CCDC60: variants seen among roughly 807,000 people sequenced by gnomAD.
CCDC60 encodes the protein coiled-coil domain containing 60.
Under a neutral mutation model 63.5 loss-of-function variants are expected in CCDC60, and 54 were observed. The observed-to-expected ratio is 0.85, with a 90% confidence interval of 0.68 to 1.07. The LOEUF (loss-of-function observed/expected upper bound fraction) is 1.07. Among genes scored for constraint, CCDC60 ranks in the 50% least tolerant of loss-of-function variants. CCDC60 has a pLI of 0.00. For synonymous variants in CCDC60, 206 were observed against 238.8 expected (o/e 0.86, Z 1.27); for missense variants, 651 against 684.3 (o/e 0.95, Z 0.54).
chr12:119,342,912 C>T (rs548171700), intron 1 of CCDC60, among the ~76,000 whole-genome samples: 10 of 152,312 alleles, frequency 6.6e-5, no homozygotes, highest in Admixed American at 2.6e-4. Flanking sequence ...TAAGCCTTTG[C>T]ACAACTGTGG....
At chr12:119,386,561 G>A (rs1206978756) in intron 1 of CCDC60, among the ~76,000 whole-genome samples, 1 of 151,848 alleles carries the variant, frequency 6.6e-6, no homozygotes, top group Admixed American at 6.6e-5. Context: ...CCATGGTGCG[G>A]TCGCACCAAA....
chr12:119,346,796 CTTT>C (rs1955599374), intron 1 of CCDC60, among the ~76,000 whole-genome samples: 3 of 124,936 alleles, frequency 2.4e-5, no homozygotes, highest in Non-Finnish European at 5.5e-5. Flanking sequence ...TTCTTTCTTT[CTTT>C]CTTTCTTTCT....
rs770947406 is a variant in CCDC60 at position 119,530,991 on chromosome 12, T to A, written c.1479T>A (p.His493Gln). ...GENLDLRIRP[H>Q]VLLKVLQDLR... ...ACCTGGACTTGCGGATTCGACCCCA[T>A]GTCCTCCTGAAGGTGCTGCAGGATC... is the stretch of plus-strand genomic sequence containing the variant. The change falls in exon 13 of 14, where the codon CAT becomes CAA. Residue 493 changes from histidine (H) to glutamine (Q), a missense_variant. Physicochemically the swap from His to Gln is conservative, Grantham distance 24. Transcript: ENST00000327554. 1 of 1,614,152 alleles carries A rather than the reference T, an allele frequency of 6.2e-7. No homozygotes were observed. The highest frequency in any genetic ancestry group is 1.7e-5 in the Admixed American group (1 of 60,024).
rs781059079 is a variant in CCDC60 at position 119,471,984 on chromosome 12, A to C, written c.171-10A>C. 6.2e-7 allele frequency: 1 copy of C among 1,605,856 alleles called. No individual in the cohort carries two copies. The highest frequency in any genetic ancestry group is 8.5e-7 in the Non-Finnish European group (1 of 1,175,756). On this transcript the variant is annotated splice_polypyrimidine_tract_variant and intron_variant, in intron 2 of 13. Coordinates refer to ENST00000327554, the MANE Select transcript of CCDC60 (RefSeq NM_178499.5). ...TCCCTCTCTCCCTCTTCCTCCCTGC[A>C]TGTCTCCAGCTTTTTGATCCAGTCT...
Position 119,502,119 on chromosome 12 carries a change from C to T in CCDC60, c.648+1951C>T, listed in dbSNP as rs560297381. ...AGAAAAGATCAGGCTGAGTGTGATA[C>T]AGTAGGGAGTGGTGGAGTCTGTGGC... On this transcript the variant is annotated intron_variant, in intron 6 of 13. Transcript: ENST00000327554. Among the ~76,000 whole-genome samples the T allele has an allele frequency of 6.6e-5, 10 of 152,246 alleles. No homozygotes were observed. In the South Asian group the frequency reaches 2.1e-3, roughly 32 times the overall value.
intron 7 of CCDC60, among the ~76,000 whole-genome samples, chr12:119,507,089 G>A (rs147393897): frequency 6.6e-6 from 1 of 152,180 alleles, no homozygotes; most frequent in Non-Finnish European, 1.5e-5. Context: ...CACACCATCT[G>A]GAATGCCTGT....
At chr12:119,440,259 G>A (rs1272338770) in intron 2 of CCDC60, among the ~76,000 whole-genome samples, 4 of 152,112 alleles carry the variant, frequency 2.6e-5, no homozygotes, top group Non-Finnish European at 5.9e-5. Flanking sequence ...GACCGGGCAC[G>A]GTGGCTCACG....
intron 8 of CCDC60, 32 bp from the exon 9 acceptor site, chr12:119,520,089 C>T (rs376471070): frequency 5.0e-6 from 8 of 1,592,888 alleles, no homozygotes; most frequent in African/African-American, 1.3e-5. Context: ...ATGAATTCAG[C>T]GCCTTGTTAA....
chr12:119,356,091 A>C (rs970118003), intron 1 of CCDC60, among the ~76,000 whole-genome samples: 1 of 152,204 alleles, frequency 6.6e-6, no homozygotes, highest in Non-Finnish European at 1.5e-5. Context: ...CAAATAGTGG[A>C]CCTATTATCT....
chr12:119,440,870 C>A (rs61938105), intron 2 of CCDC60, among the ~76,000 whole-genome samples: 39,267 of 152,086 alleles, frequency 0.26, 5,229 homozygotes, highest in African/African-American at 0.32. Flanking sequence ...GTGGAGAATG[C>A]AAAGCACTCT....
intron 2 of CCDC60, among the ~76,000 whole-genome samples, chr12:119,463,433 A>T (rs1226894086): frequency 2.0e-5 from 3 of 152,222 alleles, no homozygotes; most frequent in African/African-American, 7.2e-5. Context: ...TTGGGTTCAG[A>T]CCTCAGCTCT....
intron 1 of CCDC60, among the ~76,000 whole-genome samples, chr12:119,408,139 C>A (rs1286481055): frequency 6.6e-6 from 1 of 152,044 alleles, no homozygotes; most frequent in Non-Finnish European, 1.5e-5. Context: ...GTGACTAGCC[C>A]CTAAAGAGAA....
At chr12:119,470,963 A>G (rs559132450) in intron 2 of CCDC60, among the ~76,000 whole-genome samples, 1 of 152,368 alleles carries the variant, frequency 6.6e-6, no homozygotes, top group Non-Finnish European at 1.5e-5. Flanking sequence ...GAGAACAAAT[A>G]AAATTGATGG....
intron 2 of CCDC60, among the ~76,000 whole-genome samples, chr12:119,463,443 T>C (rs1379667801): frequency 6.6e-6 from 1 of 152,270 alleles, no homozygotes; most frequent in African/African-American, 2.4e-5. Context: ...ACCTCAGCTC[T>C]GCTTCTTTCC....
At chr12:119,426,355 TTG>T (rs71844505) in intron 1 of CCDC60, among the ~76,000 whole-genome samples, 11,003 of 147,494 alleles carry the variant, frequency 0.075, 411 homozygotes, top group East Asian at 0.11. Context: ...TTATTTATTT[TTG>T]TTTTGTTTTG....
intron 5 of CCDC60, among the ~76,000 whole-genome samples, chr12:119,496,373 T>C (rs1951715999): frequency 6.6e-6 from 1 of 152,168 alleles, no homozygotes; most frequent in Non-Finnish European, 1.5e-5. Context: ...CGGATATAGT[T>C]AAAAGAGATT....
chr12:119,495,218 C>T (rs568926278), intron 5 of CCDC60, among the ~76,000 whole-genome samples: 29 of 152,220 alleles, frequency 1.9e-4, no homozygotes, highest in African/African-American at 7.0e-4. Flanking sequence ...GGTGCTTCAC[C>T]CCCAAATGGT....
rs181523080 is a variant in CCDC60, at chr12:119,476,055, A to T, written c.342-3039A>T. On this transcript the variant is annotated intron_variant, in intron 3 of 13. Transcript: ENST00000327554. The stretch of plus-strand genomic sequence containing the variant: ...CAAAGTATTTGATCTTGTGCATCAT[A>T]AAAGCGAAAGGAATTATTTTCTCCT... Among the ~76,000 whole-genome samples the T allele has an allele frequency of 1.6e-4, 25 of 152,284 alleles. No individual in the cohort carries two copies. In the East Asian group the frequency reaches 4.8e-3, roughly 29 times the overall value.
In CCDC60 at chr12:119,505,172, A is replaced by G. The variant is rs371082632; in HGVS notation, c.752A>G (p.Gln251Arg). Residue 251 changes from glutamine to arginine, a missense_variant, in exon 7 of 14, where the codon CAG becomes CGG. Gln to Arg is a conservative substitution (Grantham distance 43). Transcript: ENST00000327554. Reference protein sequence around the residue: ...LSRASGGSSPQSSMISVNPGS... With the variant: ...LSRASGGSSPRSSMISVNPGS... ...CGGGCCAGTGGGGGGTCCTCTCCCCAGAGCAGCATGATCTCTGTGAACCCT... is the reference window on the plus strand; with the variant it reads ...CGGGCCAGTGGGGGGTCCTCTCCCCGGAGCAGCATGATCTCTGTGAACCCT... 6.2e-7 allele frequency: 1 copy of G among 1,614,060 alleles called. No homozygotes were observed. The highest frequency in any genetic ancestry group is 1.3e-5 in the African/African-American group (1 of 74,928).
Sources: gnomAD v4.1 joint callset for allele counts (sites outside exome capture counted in the v4.1 genomes callset) on GRCh38, gnomAD v4.1.1 for gene constraint, MANE v1.5 for transcripts, NCBI Gene and HGNC (gene_info 2026-07-23, HGNC 2026-07-21) for gene names.